The following WDR7 variants were observed in gnomAD, a reference collection of about 807,000 sequenced individuals.
WDR7 encodes WD repeat-containing protein 7.
Under a neutral mutation model 169.4 loss-of-function variants are expected in WDR7, and 46 were observed. The ratio of observed to expected loss-of-function variants is 0.27; its 90% CI spans 0.21 to 0.35. The LOEUF (loss-of-function observed/expected upper bound fraction) is 0.35, where lower values mean the gene tolerates loss of function less well. WDR7 is among the 10% of genes least tolerant of loss of function. The pLI, the probability that WDR7 is intolerant of heterozygous loss-of-function variation, is 1.00. For missense variants in WDR7, 1,534 were observed against 1,859.3 expected, an observed-to-expected ratio of 0.83 and a Z score of 3.22; for synonymous variants, 612 against 666.8, an observed-to-expected ratio of 0.92 and a Z score of 1.27.
chr18:56,711,118 T>C (rs950186115), intron 12 of WDR7, among the ~76,000 whole-genome samples: 1 of 151,960 alleles, frequency 6.6e-6, no homozygotes, highest in Non-Finnish European at 1.5e-5. Flanking sequence ...ATATTAAGCT[T>C]ATGTGGCTTC....
At chr18:56,921,782 G>A (rs913603251) in intron 21 of WDR7, among the ~76,000 whole-genome samples, 5 of 151,992 alleles carry the variant, frequency 3.3e-5, no homozygotes, top group Non-Finnish European at 5.9e-5. Flanking sequence ...TCAAAACATC[G>A]ACCACTTATT....
intron 19 of WDR7, among the ~76,000 whole-genome samples, chr18:56,786,436 G>C (rs2044401086): frequency 6.6e-6 from 1 of 151,994 alleles, no homozygotes; most frequent in Non-Finnish European, 1.5e-5. Flanking sequence ...GGCTTAGGCA[G>C]GAGAATTGCT....
intron 16 of WDR7, among the ~76,000 whole-genome samples, chr18:56,766,135 GCAT>G (rs2044062674): frequency 6.6e-6 from 1 of 151,654 alleles, no homozygotes; most frequent in Non-Finnish European, 1.5e-5. Context: ...AGATCTGATA[GCAT>G]TCTTATCTTT....
At position 57,027,353 on chromosome 18, in the gene WDR7, C is replaced by T. The variant is rs1405030303; in HGVS notation, c.*146C>T. The T allele has an allele frequency of 1.4e-5, 14 of 1,001,388 alleles. No homozygotes were observed. The highest frequency in any genetic ancestry group is 2.0e-5 in the Non-Finnish European group (14 of 693,518). 62.0% of individuals were successfully genotyped at this position (1,001,388 alleles called of 1,614,324 possible). On this transcript the variant is annotated 3_prime_UTR_variant, in exon 28 of 28. Coordinates refer to ENST00000254442, the MANE Select transcript of WDR7 (RefSeq NM_015285.3). ...GCACGGCCGGGTCTTGTCACTTGTG[C>T]ATGCTTCTCAGGGGCAGAACCCGCT...
intron 20 of WDR7, among the ~76,000 whole-genome samples, chr18:56,841,502 C>T (rs1246972689): frequency 6.7e-6 from 1 of 149,544 alleles, no homozygotes; most frequent in South Asian, 2.1e-4. Context: ...GCCAAGATCA[C>T]GCCACTGCAC....
At position 57,009,806 on chromosome 18, in the gene WDR7, A is replaced by C. The variant is rs2048112862; in HGVS notation, c.4165-10939A>C. On this transcript the variant is annotated intron_variant, in intron 26 of 27. Transcript: ENST00000254442. ...CAAAAAATATAAATTCCCTAGCTTT[A>C]TAATCTACATCAGACAATTTTGTGT... 4.1e-6 allele frequency: 4 copies of C among 967,574 alleles called. No individual in the cohort carries two copies. In the South Asian group the frequency reaches 1.9e-4, roughly 46 times the overall value. The allele number at this position is 967,574 out of a possible 1,614,324, so 59.9% of individuals were successfully genotyped here.
chr18:56,838,493 T>C (rs557853482), intron 20 of WDR7, among the ~76,000 whole-genome samples: 6 of 152,362 alleles, frequency 3.9e-5, no homozygotes, highest in African/African-American at 1.4e-4. Flanking sequence ...TTTCTACTTC[T>C]AAATTTGTAC....
chr18:56,989,097 A>AG, intron 26 of WDR7, among the ~76,000 whole-genome samples: 1 of 149,676 alleles, frequency 6.7e-6, no homozygotes, highest in Non-Finnish European at 1.5e-5. Flanking sequence ...AAAAAAAAAA[A>AG]TGGTGAGAAT....
rs1470109181 is a variant in WDR7 at position 56,726,299 on chromosome 18, C to T, written c.1775-5084C>T. 3.3e-5 allele frequency among the ~76,000 whole-genome samples: 5 copies of T among 152,250 alleles called. No individual in the cohort carries two copies. The South Asian group carries it at 6.2e-4, about 19-fold the overall frequency. ...CTATCTATGAGCATGGAATGTTCTT[C>T]CATTTGTTTGTATCCTCTTTGATTT... On this transcript the variant is annotated intron_variant, in intron 13 of 27. Coordinates refer to ENST00000254442, the MANE Select transcript of WDR7 (RefSeq NM_015285.3).
At chr18:56,671,796 T>G (rs942078876) in intron 1 of WDR7, among the ~76,000 whole-genome samples, 10 of 152,238 alleles carry the variant, frequency 6.6e-5, no homozygotes, top group African/African-American at 2.4e-4. Flanking sequence ...ATGATAATAG[T>G]GTTTACCTCC....
Position 57,023,160 on chromosome 18 carries a change from C to A in WDR7, c.4269+2311C>A, listed in dbSNP as rs547214969. Among the ~76,000 whole-genome samples, 6 of 152,334 alleles carry A rather than the reference C, an allele frequency of 3.9e-5. 1 individual carries two copies. In the South Asian group the frequency reaches 1.2e-3, roughly 32 times the overall value. ...TTCTCAGGAAAATGCAATGAAATCT[C>A]TTCCAGAATTGTAGTTGTCTTATTT... On this transcript the variant is annotated intron_variant, in intron 27 of 27. Transcript: ENST00000254442.
intron 14 of WDR7, among the ~76,000 whole-genome samples, chr18:56,752,919 C>T (rs1185348366): frequency 6.6e-6 from 1 of 152,126 alleles, no homozygotes. Context: ...TGCAGAAATA[C>T]AAATGTCTGA....
At chr18:56,791,761 T>G (rs1187123524) in intron 19 of WDR7, among the ~76,000 whole-genome samples, 1 of 152,170 alleles carries the variant, frequency 6.6e-6, no homozygotes, top group African/African-American at 2.4e-5. Flanking sequence ...CTTTTCCCAT[T>G]TAGAAGTGGA....
intron 20 of WDR7, among the ~76,000 whole-genome samples, chr18:56,832,246 C>T (rs575146306): frequency 6.6e-6 from 1 of 152,320 alleles, no homozygotes; most frequent in African/African-American, 2.4e-5. Flanking sequence ...GGGCGGAGCC[C>T]ACCGCAGGGC....
intron 22 of WDR7, among the ~76,000 whole-genome samples, chr18:56,932,501 C>T (rs4801064): frequency 0.22 from 33,869 of 152,208 alleles, 7,144 homozygotes; most frequent in African/African-American, 0.56. Flanking sequence ...GGAAGGATGA[C>T]GTGTGGCTAG....
At chr18:56,772,528 G>A (rs2044180769) in intron 16 of WDR7, among the ~76,000 whole-genome samples, 1 of 152,016 alleles carries the variant, frequency 6.6e-6, no homozygotes, top group Non-Finnish European at 1.5e-5. Flanking sequence ...AGACAAATGG[G>A]GAGAAAATAT....
At position 56,776,764 on chromosome 18, in the gene WDR7, TCTC is replaced by T. The variant is rs1416068875; in HGVS notation, c.2849-17_2849-15del. On this transcript the variant is annotated splice_polypyrimidine_tract_variant and intron_variant, in intron 16 of 27. Transcript: ENST00000254442. ...CTTCAATTCTCTCCTCTTTACTTCT[TCTC>T]TTTTCCTCTGCAAGTTGCTGCACCT... 19 of 1,610,546 alleles carry T rather than the reference TCTC, an allele frequency of 1.2e-5. No homozygotes were observed. In the Admixed American group the frequency reaches 3.2e-4, roughly 27 times the overall value.
At chr18:56,958,313 A>G (rs1287991396) in intron 25 of WDR7, among the ~76,000 whole-genome samples, 1 of 152,176 alleles carries the variant, frequency 6.6e-6, no homozygotes, top group Non-Finnish European at 1.5e-5. Flanking sequence ...CTCCTCCACA[A>G]TAACGTGTTC....
chr18:56,979,637 G>A lies in WDR7; in HGVS notation c.4164+17108G>A, dbSNP rs144554488. Reference sequence around the variant, plus strand: ...ATCTCTGGATCTCTGTCACAATTTGGTAGACTGTCTTCTTTTGCTGCAGTA... The same window carrying A: ...ATCTCTGGATCTCTGTCACAATTTGATAGACTGTCTTCTTTTGCTGCAGTA... On this transcript the variant is annotated intron_variant, in intron 26 of 27. Transcript: ENST00000254442. Among the ~76,000 whole-genome samples the A allele has an allele frequency of 1.1e-3, 164 of 152,262 alleles. 1 individual carries two copies. Among genetic ancestry groups the A allele is most frequent in the African/African-American group, 3.8e-3 (157 of 41,542 alleles).
Sources: gnomAD v4.1 joint callset for allele counts (sites outside exome capture counted in the v4.1 genomes callset) on GRCh38, gnomAD v4.1.1 for gene constraint, MANE v1.5 for transcripts, NCBI Gene and HGNC (gene_info 2026-07-23, HGNC 2026-07-21) for gene names.